The following ADAM32 variants were observed in gnomAD, a reference collection of about 807,000 sequenced individuals.
The protein encoded by ADAM32 is ADAM metallopeptidase domain 32.
In ADAM32, 89 loss-of-function variants were observed where a neutral mutation model predicts 114.9. That is an observed-to-expected ratio of 0.77 (90% CI 0.65 to 0.92). The LOEUF is 0.92. Ranked by LOEUF, ADAM32 falls within the 40% of genes least tolerant of loss-of-function variation. The pLI, the probability that ADAM32 is intolerant of heterozygous loss-of-function variation, is 0.00. For synonymous variants in ADAM32, 285 were observed against 307.5 expected, an observed-to-expected ratio of 0.93 and a Z score of 0.77; for missense variants, 870 against 932.8, an observed-to-expected ratio of 0.93 and a Z score of 0.88.
In ADAM32 at chr8:39,200,379, T is replaced by C. The variant is rs1807316505; in HGVS notation, c.1053-10765T>C. ...GCATTTCTCTGATAGCCAGTGATGA[T>C]GAGCATTTTTTTCATGTGTCTGTTG... On this transcript the variant is annotated intron_variant, in intron 11 of 24. Coordinates refer to ENST00000379907, the MANE Select transcript of ADAM32 (RefSeq NM_145004.7). Among the ~76,000 whole-genome samples the C allele has an allele frequency of 2.0e-5, 3 of 152,258 alleles. No homozygotes were observed. In the South Asian group the frequency reaches 6.2e-4, roughly 31 times the overall value.
chr8:39,190,836 G>A (rs769648407), intron 11 of ADAM32, among the ~76,000 whole-genome samples: 47 of 152,136 alleles, frequency 3.1e-4, no homozygotes, highest in Non-Finnish European at 5.9e-4. Flanking sequence ...GAGTCATGGG[G>A]GTTTGTTGTA....
rs762990273 is a variant in ADAM32 at position 39,246,240 on chromosome 8, T to G, written c.1902+74T>G. The stretch of plus-strand genomic sequence containing the variant: ...GCATCACTCATTAATTTACTGACAT[T>G]TTTTGGGTCACTACCATGTGACAGA... On this transcript the variant is annotated intron_variant, in intron 17 of 24. Transcript: ENST00000379907. 40 of 1,402,708 alleles carry G rather than the reference T, an allele frequency of 2.9e-5. No individual in the cohort carries two copies. In the Middle Eastern group the frequency reaches 2.5e-3, roughly 89 times the overall value. The allele number at this position is 1,402,708 out of a possible 1,614,324, so 86.9% of individuals were successfully genotyped here. A position where few individuals can be genotyped will look rare whatever the true frequency, so the allele number is the denominator to read the frequency against.
chr8:39,170,818 T>C (rs1007387292), intron 10 of ADAM32, among the ~76,000 whole-genome samples: 1 of 152,042 alleles, frequency 6.6e-6, no homozygotes, highest in African/African-American at 2.4e-5. Context: ...TAGTTGTATG[T>C]AAAGGCAGTG....
At chr8:39,113,733 C>CATG (rs569777667) in intron 1 of ADAM32, among the ~76,000 whole-genome samples, 28 of 152,278 alleles carry the variant, frequency 1.8e-4, no homozygotes, top group African/African-American at 6.7e-4. Context: ...AATATATAAG[C>CATG]ATGATGTCTT....
intron 18 of ADAM32, 42 bp downstream of exon 18, chr8:39,254,558 C>G (rs746488895): frequency 1.6e-5 from 23 of 1,420,284 alleles, no homozygotes; most frequent in Non-Finnish European, 2.1e-5. Context: ...ATAAAATTCT[C>G]AAATTGCTTA....
intron 4 of ADAM32, among the ~76,000 whole-genome samples, chr8:39,148,297 T>C (rs1254872278): frequency 6.6e-6 from 1 of 152,196 alleles, no homozygotes; most frequent in Non-Finnish European, 1.5e-5. Context: ...ATAATAGCTA[T>C]GTTCTCCTTT....
intron 12 of ADAM32, chr8:39,221,394 A>T (rs1395086522): frequency 2.1e-6 from 1 of 485,010 alleles, no homozygotes; most frequent in Non-Finnish European, 3.7e-6. Flanking sequence ...TATAGTCCAG[A>T]GGAAGGTAAG....
chr8:39,151,849 T>G (rs1803854463), intron 6 of ADAM32, among the ~76,000 whole-genome samples: 1 of 149,924 alleles, frequency 6.7e-6, no homozygotes, highest in Non-Finnish European at 1.5e-5. Flanking sequence ...AGAGACAGAG[T>G]CTCTACAAAA....
At chr8:39,249,276 G>T (rs1341232870) in intron 17 of ADAM32, among the ~76,000 whole-genome samples, 2 of 152,034 alleles carry the variant, frequency 1.3e-5, no homozygotes, top group Non-Finnish European at 2.9e-5. Context: ...TTCTTCTTTA[G>T]CTTATTGATG....
intron 2 of ADAM32, among the ~76,000 whole-genome samples, chr8:39,127,365 T>A (rs982854560): frequency 2.0e-5 from 3 of 152,212 alleles, no homozygotes; most frequent in African/African-American, 7.2e-5. Context: ...AACTTGTTAT[T>A]GGTCTATTCA....
chr8:39,153,189 A>G (rs1803945105), intron 6 of ADAM32, among the ~76,000 whole-genome samples: 1 of 152,232 alleles, frequency 6.6e-6, no homozygotes, highest in African/African-American at 2.4e-5. Flanking sequence ...GGTCCAAATG[A>G]GAGTGCAGTG....
Position 39,165,192 on chromosome 8 carries a change from C to A in ADAM32, c.829C>A (p.Leu277Ile). ...AAGGCCTCATGATATTGCATATCTA[C>A]TAATGTAAGAATAATGTTTCATTAT... ...NLRPHDIAYL[L>I]IYMDYPRYLG... Residue 277 changes from leucine to isoleucine, a missense_variant, in exon 9 of 25, where the codon CTA (leucine) becomes ATA (isoleucine). Coordinates refer to ENST00000379907, the MANE Select transcript of ADAM32 (RefSeq NM_145004.7). The A allele has an allele frequency of 6.5e-7, 1 of 1,530,488 alleles. No individual in the cohort carries two copies. Among genetic ancestry groups the A allele is most frequent in the Non-Finnish European group, 8.8e-7 (1 of 1,130,636 alleles). 94.8% of individuals were successfully genotyped at this position (1,530,488 alleles called of 1,614,324 possible). A position where few individuals can be genotyped will look rare whatever the true frequency, so the allele number is the denominator to read the frequency against.
chr8:39,187,194 T>C (rs1202492944), intron 11 of ADAM32, 149 bp downstream of exon 11: 1 of 686,058 alleles, frequency 1.5e-6, no homozygotes, highest in East Asian at 2.9e-5. Flanking sequence ...GTAAAAGTAG[T>C]ATAAAGTATA....
intron 10 of ADAM32, among the ~76,000 whole-genome samples, chr8:39,172,063 G>A (rs1381117399): frequency 2.6e-5 from 4 of 151,020 alleles, no homozygotes; most frequent in Non-Finnish European, 5.9e-5. Flanking sequence ...ATTAACTATT[G>A]AATAAAGAAA....
intron 10 of ADAM32, among the ~76,000 whole-genome samples, chr8:39,178,974 A>C (rs976701891): frequency 7.9e-5 from 12 of 152,130 alleles, no homozygotes; most frequent in Admixed American, 3.3e-4. Flanking sequence ...TGATATCTGT[A>C]GGAGGTCTCA....
rs1803279099 is a variant in ADAM32 at position 39,143,156 on chromosome 8, T to A, written c.201-3974T>A. On this transcript the variant is annotated intron_variant, in intron 3 of 24. Transcript: ENST00000379907. ...TTCCTTGTGATGGGTTACAACATGC[T>A]CCTTTAGCTTGGAGAAATTTGTTAT... is the stretch of plus-strand genomic sequence containing the variant. Among the ~76,000 whole-genome samples the A allele has an allele frequency of 2.0e-5, 3 of 152,316 alleles. No individual in the cohort carries two copies. The South Asian group carries it at 6.2e-4, about 32-fold the overall frequency.
chr8:39,150,360 G>A (rs1040929230), intron 5 of ADAM32, among the ~76,000 whole-genome samples: 2 of 152,180 alleles, frequency 1.3e-5, no homozygotes, highest in Admixed American at 1.3e-4. Flanking sequence ...ACAGGTTTGA[G>A]TCAAAATACT....
At chr8:39,195,351 A>G (rs1444565025) in intron 11 of ADAM32, among the ~76,000 whole-genome samples, 2 of 152,214 alleles carry the variant, frequency 1.3e-5, no homozygotes, top group African/African-American at 4.8e-5. Flanking sequence ...TTGGATGAAT[A>G]GTTTGCAAAT....
intron 11 of ADAM32, among the ~76,000 whole-genome samples, chr8:39,209,497 T>A (rs949980937): frequency 5.9e-5 from 9 of 152,344 alleles, no homozygotes; most frequent in Non-Finnish European, 1.3e-4. Context: ...TTATTATACT[T>A]GATGGGATCA....
Sources: gnomAD v4.1 joint callset for allele counts (sites outside exome capture counted in the v4.1 genomes callset) on GRCh38, gnomAD v4.1.1 for gene constraint, MANE v1.5 for transcripts, NCBI Gene and HGNC (gene_info 2026-07-23, HGNC 2026-07-21) for gene names.